ACTR3C: variants seen among roughly 807,000 people sequenced by gnomAD.
ACTR3C encodes actin-related protein 3C.
A neutral mutation model predicts 26.3 loss-of-function variants in ACTR3C; 18 were observed. The ratio of observed to expected loss-of-function variants is 0.68; its 90% CI spans 0.47 to 1.01. The LOEUF (loss-of-function observed/expected upper bound fraction) is 1.01, where lower values mean the gene tolerates loss of function less well. ACTR3C is among the 50% of genes least tolerant of loss of function. The pLI, the probability that ACTR3C is intolerant of heterozygous loss-of-function variation, is 0.00. For missense variants in ACTR3C, 184 were observed against 250.7 expected (o/e 0.73, Z 1.80); for synonymous variants, 55 against 94.5 (o/e 0.58, Z 2.42).
the ACTR3C span, among the ~76,000 whole-genome samples, chr7:149,943,992 G>A: frequency 2.8e-5 from 4 of 141,342 alleles, no homozygotes; most frequent in South Asian, 4.3e-4. Flanking sequence ...AATTATGTAC[G>A]TAACAGGGAG....
chr7:150,146,195 C>T, the ACTR3C span, among the ~76,000 whole-genome samples: 1 of 151,062 alleles, frequency 6.6e-6, no homozygotes, highest in Non-Finnish European at 1.5e-5. Flanking sequence ...TTCCTCATCA[C>T]CACCGTCACT....
At chr7:150,316,016 G>A (rs964653605) in intron 1 of ACTR3C, among the ~76,000 whole-genome samples, 3 of 152,142 alleles carry the variant, frequency 2.0e-5, no homozygotes, top group Non-Finnish European at 4.4e-5. Flanking sequence ...TGACCAACAT[G>A]GAGAAACCCC....
the ACTR3C span, among the ~76,000 whole-genome samples, chr7:149,903,203 T>C: frequency 7.1e-6 from 1 of 140,090 alleles, no homozygotes; most frequent in South Asian, 2.7e-4. Context: ...GCACCTGCTG[T>C]CTGCAGTTCT....
intron 1 of ACTR3C, among the ~76,000 whole-genome samples, chr7:150,315,386 A>T (rs1221378433): frequency 6.6e-6 from 1 of 152,186 alleles, no homozygotes; most frequent in African/African-American, 2.4e-5. Flanking sequence ...GCAGCCGAAG[A>T]TGCTAGCAAC....
chr7:150,015,070 A>G, the ACTR3C span, among the ~76,000 whole-genome samples: 1 of 152,224 alleles, frequency 6.6e-6, no homozygotes, highest in Non-Finnish European at 1.5e-5. Context: ...GGACTTCTGC[A>G]GAGTTCTACA....
the ACTR3C span, among the ~76,000 whole-genome samples, chr7:150,214,981 A>C: frequency 6.6e-6 from 1 of 150,994 alleles, no homozygotes; most frequent in African/African-American, 2.5e-5. Flanking sequence ...CAAAGTAAAA[A>C]TGTAGGTGGG....
chr7:150,228,902 A>G, the ACTR3C span, among the ~76,000 whole-genome samples: 1 of 139,074 alleles, frequency 7.2e-6, no homozygotes, highest in Non-Finnish European at 1.5e-5. Flanking sequence ...ATATATAGAG[A>G]GAGTGTGTAT....
the ACTR3C span, among the ~76,000 whole-genome samples, chr7:149,977,994 CACAG>C: frequency 6.6e-6 from 1 of 150,656 alleles, no homozygotes; most frequent in Non-Finnish European, 1.5e-5. Flanking sequence ...GACGACCTGA[CACAG>C]ACAGCCAGTT....
At chr7:150,055,491 G>A in the ACTR3C span, among the ~76,000 whole-genome samples, 2 of 141,828 alleles carry the variant, frequency 1.4e-5, no homozygotes, top group Admixed American at 1.4e-4. Flanking sequence ...GAGGGAGGGA[G>A]TTTTTTTTTT....
At chr7:149,930,516 C>T in the ACTR3C span, among the ~76,000 whole-genome samples, 1 of 152,144 alleles carries the variant, frequency 6.6e-6, no homozygotes, top group Non-Finnish European at 1.5e-5. Flanking sequence ...TGTTCTCTTC[C>T]AGCTTAACTT....
the ACTR3C span, among the ~76,000 whole-genome samples, chr7:150,166,885 T>C: frequency 3.3e-5 from 5 of 150,444 alleles, no homozygotes; most frequent in Non-Finnish European, 5.9e-5. Flanking sequence ...CTCCTAAATA[T>C]GAGTGAGATC....
the ACTR3C span, among the ~76,000 whole-genome samples, chr7:150,178,480 C>A: frequency 6.7e-6 from 1 of 150,248 alleles, no homozygotes; most frequent in Non-Finnish European, 1.5e-5. Context: ...GACAGGGTTT[C>A]ACCATATTGG....
At chr7:150,079,928 G>T in the ACTR3C span, among the ~76,000 whole-genome samples, 3 of 152,246 alleles carry the variant, frequency 2.0e-5, no homozygotes, top group Middle Eastern at 3.4e-3. Context: ...CTGTTTTGGG[G>T]CTGGAGGTCA....
the ACTR3C span, among the ~76,000 whole-genome samples, chr7:149,974,461 A>C: frequency 6.6e-6 from 1 of 152,108 alleles, no homozygotes; most frequent in East Asian, 1.9e-4. Flanking sequence ...CCTTGACTAT[A>C]TTTGGTTCTC....
At chr7:150,027,898 T>G in the ACTR3C span, among the ~76,000 whole-genome samples, 6 of 152,096 alleles carry the variant, frequency 3.9e-5, no homozygotes, top group South Asian at 2.1e-4. Context: ...ATACTTTATT[T>G]TCAGACTCTG....
chr7:150,180,352 G>GT, the ACTR3C span, among the ~76,000 whole-genome samples: 462 of 150,402 alleles, frequency 3.1e-3, 16 homozygotes, highest in African/African-American at 0.01. Context: ...CCCTTCCTAT[G>GT]TTTTTTTACA....
Position 150,286,351 on chromosome 7 carries a change from A to G in ACTR3C, c.471+16T>C, listed in dbSNP as rs751701641. 10 of 1,613,236 alleles carry G rather than the reference A, an allele frequency of 6.2e-6. No individual in the cohort carries two copies. Among genetic ancestry groups the G allele is most frequent in the Non-Finnish European group, 7.6e-6 (9 of 1,179,572 alleles). On this transcript the variant is annotated intron_variant, in intron 5 of 7. Coordinates refer to ENST00000683684, the MANE Select transcript of ACTR3C (RefSeq NM_001164458.2). ...TCCATCCCACACTTGAGCACACAAAAAAAGAAACACCTTACCTCCGGGTGA... is the reference window on the plus strand; with the variant it reads ...TCCATCCCACACTTGAGCACACAAAGAAAGAAACACCTTACCTCCGGGTGA...
the ACTR3C span, among the ~76,000 whole-genome samples, chr7:149,948,770 T>C: frequency 1.3e-5 from 2 of 151,912 alleles, no homozygotes; most frequent in Non-Finnish European, 1.5e-5. Flanking sequence ...CTCACTAAAA[T>C]TTCATGAGTA....
chr7:150,261,562 C>T (rs532680540), intron 6 of ACTR3C, among the ~76,000 whole-genome samples: 40 of 152,342 alleles, frequency 2.6e-4, no homozygotes, highest in African/African-American at 8.4e-4. Flanking sequence ...ATTAGCAGGG[C>T]GTGGTGGCAC....
Sources: allele counts gnomAD v4.1 joint callset (sites outside exome capture counted in the v4.1 genomes callset), GRCh38; gene constraint gnomAD v4.1.1; transcripts MANE v1.5; gene names NCBI Gene and HGNC (gene_info 2026-07-23, HGNC 2026-07-21).